The following GRIN2B variants were observed in gnomAD, a reference collection of about 807,000 sequenced individuals.
The protein encoded by GRIN2B is glutamate receptor ionotropic, NMDA 2B.
A neutral mutation model predicts 114.5 loss-of-function variants in GRIN2B; 5 were observed. The observed-to-expected ratio is 0.04, with a 90% CI of 0.02 to 0.09. The LOEUF (loss-of-function observed/expected upper bound fraction) is 0.09. GRIN2B is among the 10% of genes least tolerant of loss of function. The pLI, the probability that GRIN2B is intolerant of heterozygous loss-of-function variation, is 1.00. For missense variants in GRIN2B, 1,108 were observed against 1,943.5 expected, an observed-to-expected ratio of 0.57 and a Z score of 8.08; for synonymous variants, 787 against 745.1, an observed-to-expected ratio of 1.06 and a Z score of -0.92.
At chr12:13,855,324 T>C (rs966833526) in intron 3 of GRIN2B, among the ~76,000 whole-genome samples, 1 of 152,042 alleles carries the variant, frequency 6.6e-6, no homozygotes, top group Non-Finnish European at 1.5e-5. Flanking sequence ...CTCAGAGAAG[T>C]GAAGGAGTTT....
chr12:13,575,816 A>G (rs1316452848), intron 10 of GRIN2B, among the ~76,000 whole-genome samples: 1 of 152,130 alleles, frequency 6.6e-6, no homozygotes, highest in Non-Finnish European at 1.5e-5. Flanking sequence ...GAACATGGGC[A>G]AGTTCCTTAA....
At chr12:13,752,111 C>A (rs1365006146) in intron 4 of GRIN2B, among the ~76,000 whole-genome samples, 1 of 152,208 alleles carries the variant, frequency 6.6e-6, no homozygotes, top group Non-Finnish European at 1.5e-5. Context: ...CTACAGACTG[C>A]AGTCCAGCTC....
chr12:13,809,636 A>C (rs1384246730), intron 3 of GRIN2B, among the ~76,000 whole-genome samples: 1 of 152,204 alleles, frequency 6.6e-6, no homozygotes, highest in Non-Finnish European at 1.5e-5. Flanking sequence ...ATTTGTCTTA[A>C]AAGGGTATAA....
At chr12:13,580,937 T>G (rs1241269477) in intron 10 of GRIN2B, among the ~76,000 whole-genome samples, 1 of 152,222 alleles carries the variant, frequency 6.6e-6, no homozygotes, top group Non-Finnish European at 1.5e-5. Flanking sequence ...CTTTTGAGAC[T>G]GGCTTTTTTA....
intron 8 of GRIN2B, among the ~76,000 whole-genome samples, chr12:13,614,815 T>C (rs965090041): frequency 1.1e-4 from 17 of 152,184 alleles, no homozygotes; most frequent in Non-Finnish European, 2.1e-4. Context: ...ATACAGCAAA[T>C]TTGCTCAAGG....
At chr12:13,794,887 G>A (rs1864391194) in intron 3 of GRIN2B, among the ~76,000 whole-genome samples, 2 of 152,218 alleles carry the variant, frequency 1.3e-5, no homozygotes, top group African/African-American at 4.8e-5. Flanking sequence ...AAGCCAGACT[G>A]CACTGCAGGT....
intron 2 of GRIN2B, among the ~76,000 whole-genome samples, chr12:13,906,263 G>A (rs1220566444): frequency 6.6e-6 from 1 of 152,034 alleles, no homozygotes; most frequent in Non-Finnish European, 1.5e-5. Flanking sequence ...CTTGTACCTG[G>A]CCCCCTAACT....
At position 13,824,218 on chromosome 12, in the gene GRIN2B, G is replaced by A. The variant is rs559734626; in HGVS notation, c.411+41580C>T. On this transcript the variant is annotated intron_variant, in intron 3 of 13. Coordinates refer to ENST00000609686, the MANE Select transcript of GRIN2B (RefSeq NM_000834.5). ...AATTGGTATTGTTCTTTCTTTATAC[G>A]TTTGGTAGAATTCACCAGTGAAGCC... Among the ~76,000 whole-genome samples, 309 of 152,094 alleles carry A rather than the reference G, an allele frequency of 2.0e-3. 2 individuals carry two copies. The highest frequency in any genetic ancestry group is 7.0e-3 in the African/African-American group (291 of 41,510).
intron 2 of GRIN2B, among the ~76,000 whole-genome samples, chr12:13,974,631 C>G (rs927059147): frequency 8.5e-5 from 13 of 152,108 alleles, no homozygotes; most frequent in South Asian, 4.2e-4. Context: ...AATGTCAACC[C>G]CTCCATGAAG....
At chr12:13,815,463 G>A (rs1265452598) in intron 3 of GRIN2B, among the ~76,000 whole-genome samples, 2 of 152,038 alleles carry the variant, frequency 1.3e-5, no homozygotes, top group African/African-American at 2.4e-5. Context: ...TCCTTGAGCA[G>A]AAAATGATTT....
In GRIN2B at chr12:13,549,508, G is replaced by A. The variant is rs962144903; in HGVS notation, c.*13275C>T. The A allele has an allele frequency of 6.6e-6, 1 of 152,070 alleles. No homozygotes were observed. Among genetic ancestry groups the A allele is most frequent in the African/African-American group, 2.4e-5 (1 of 41,396 alleles). 9.4% of individuals were successfully genotyped at this position (152,070 alleles called of 1,614,324 possible). ...CAGAGGTGCCCAGAAAAGGATGTAA[G>A]GGGCTCTCCCTTGAGGCTGCCCTGC... is the stretch of plus-strand genomic sequence containing the variant. On this transcript the variant is annotated 3_prime_UTR_variant, in exon 14 of 14. Coordinates refer to ENST00000609686, the MANE Select transcript of GRIN2B (RefSeq NM_000834.5).
At chr12:13,797,359 T>A (rs932614800) in intron 3 of GRIN2B, among the ~76,000 whole-genome samples, 35 of 152,296 alleles carry the variant, frequency 2.3e-4, no homozygotes, top group African/African-American at 8.4e-4. Context: ...GATTTCAACA[T>A]ATGAATTTTG....
At chr12:13,610,664 C>A (rs1949356608) in intron 9 of GRIN2B, among the ~76,000 whole-genome samples, 1 of 152,186 alleles carries the variant, frequency 6.6e-6, no homozygotes, top group African/African-American at 2.4e-5. Flanking sequence ...GTGAATCCAA[C>A]AGAAGCATGA....
intron 2 of GRIN2B, among the ~76,000 whole-genome samples, chr12:13,916,737 T>TGTGTGTG (rs1555156758): frequency 5.0e-5 from 7 of 139,900 alleles, no homozygotes; most frequent in African/African-American, 1.8e-4. Flanking sequence ...ACACACACAT[T>TGTGTGTG]TGTGTGTGTG....
intron 2 of GRIN2B, among the ~76,000 whole-genome samples, chr12:13,956,446 C>T (rs1867593685): frequency 6.6e-6 from 1 of 152,090 alleles, no homozygotes; most frequent in South Asian, 2.1e-4. Context: ...GAAAATTTTG[C>T]AAAAATCTCT....
chr12:13,774,871 G>T (rs1863974277), intron 3 of GRIN2B, among the ~76,000 whole-genome samples: 1 of 152,104 alleles, frequency 6.6e-6, no homozygotes, highest in Non-Finnish European at 1.5e-5. Context: ...CTAATGTAAA[G>T]TGAAATGTAA....
intron 4 of GRIN2B, among the ~76,000 whole-genome samples, chr12:13,703,277 G>T (rs777684887): frequency 9.9e-5 from 15 of 152,050 alleles, no homozygotes; most frequent in Non-Finnish European, 1.6e-4. Context: ...CCCTTATTTG[G>T]GCATAATGAG....
chr12:13,801,350 CTT>C (rs1434900906), intron 3 of GRIN2B, among the ~76,000 whole-genome samples: 1 of 152,088 alleles, frequency 6.6e-6, no homozygotes, highest in Non-Finnish European at 1.5e-5. Context: ...TGTCAATTCC[CTT>C]TCTTCCATTT....
chr12:13,807,809 T>C (rs220583), intron 3 of GRIN2B, among the ~76,000 whole-genome samples: 117,728 of 149,558 alleles, frequency 0.79, 46,417 homozygotes, highest in East Asian at 0.86. Context: ...TCAAGGACTG[T>C]CAGTCTGCTT....
Sources: gnomAD v4.1 joint callset for allele counts (sites outside exome capture counted in the v4.1 genomes callset) on GRCh38, gnomAD v4.1.1 for gene constraint, MANE v1.5 for transcripts, NCBI Gene and HGNC (gene_info 2026-07-23, HGNC 2026-07-21) for gene names.